CTNNA3: variants seen among roughly 807,000 people sequenced by gnomAD.
CTNNA3 encodes catenin alpha 3, also known as catenin alpha-3.
A neutral mutation model predicts 95.7 loss-of-function variants in CTNNA3; 76 were observed. The observed-to-expected ratio is 0.79, with a 90% CI of 0.66 to 0.96. CTNNA3 has a LOEUF of 0.96. CTNNA3 is among the 40% of genes least tolerant of loss of function. The probability of loss-of-function intolerance (pLI) is 0.00; values close to 1 mark genes in which losing one functional copy is unlikely to be tolerated. For synonymous variants in CTNNA3, 431 were observed against 374.4 expected (o/e 1.15, Z -1.74); for missense variants, 1,191 against 1,089.8 (o/e 1.09, Z -1.31).
Position 66,635,132 on chromosome 10 carries a change from C to G in CTNNA3, c.1282-13348G>C, listed in dbSNP as rs1246614260. Among the ~76,000 whole-genome samples, 5 of 152,066 alleles carry G rather than the reference C, an allele frequency of 3.3e-5. 1 individual carries two copies. Among genetic ancestry groups the G allele is most frequent in the Non-Finnish European group, 7.4e-5 (5 of 67,990 alleles). ...ATTCAAGGTCCCTCTCTAAATTAAGCTATTATTCACCTCAGAATCACCACT... is the reference window on the plus strand; with the variant it reads ...ATTCAAGGTCCCTCTCTAAATTAAGGTATTATTCACCTCAGAATCACCACT... On this transcript the variant is annotated intron_variant, in intron 9 of 17. Transcript: ENST00000433211.
chr10:66,713,724 A>G (rs1055012655), intron 9 of CTNNA3, among the ~76,000 whole-genome samples: 4 of 152,082 alleles, frequency 2.6e-5, no homozygotes, highest in African/African-American at 9.7e-5. Flanking sequence ...TTCTCGAATC[A>G]TATCTGAATC....
rs1260965582 is a variant in CTNNA3 at position 66,966,487 on chromosome 10, TTTTTTTTTCAGG to T, written c.1048-190975_1048-190964del. Among the ~76,000 whole-genome samples, 632 of 40,744 alleles carry T rather than the reference TTTTTTTTTCAGG, an allele frequency of 0.016. 37 individuals carry two copies. In the East Asian group the frequency reaches 0.38, roughly 24 times the overall value. 26.7% of individuals were successfully genotyped at this position (40,744 alleles called of 152,430 possible). ...GGGTTAACTCGGCTATGTAATATAT[TTTTTTTTTCAGG>T]ATATACCTTTCAGATTATTCAAAGA... On this transcript the variant is annotated intron_variant, in intron 7 of 17. Transcript: ENST00000433211.
chr10:66,553,694 A>G (rs1222037469), intron 10 of CTNNA3, among the ~76,000 whole-genome samples: 1 of 150,786 alleles, frequency 6.6e-6, no homozygotes, highest in African/African-American at 2.4e-5. Context: ...CACCCGGCTA[A>G]TTTTTTGTAT....
chr10:67,447,861 G>C (rs963755703), intron 5 of CTNNA3, among the ~76,000 whole-genome samples: 61 of 152,264 alleles, frequency 4.0e-4, no homozygotes, highest in African/African-American at 1.4e-3. Context: ...GCCTAGATAA[G>C]AGTCTGGCAC....
At chr10:66,172,531 G>A (rs1039528479) in intron 13 of CTNNA3, among the ~76,000 whole-genome samples, 1 of 151,410 alleles carries the variant, frequency 6.6e-6, no homozygotes, top group Admixed American at 6.6e-5. Flanking sequence ...TATTTTTCTT[G>A]TTTATTTCAG....
chr10:66,572,808 G>A (rs1842908374), intron 10 of CTNNA3, among the ~76,000 whole-genome samples: 1 of 152,158 alleles, frequency 6.6e-6, no homozygotes, highest in African/African-American at 2.4e-5. Flanking sequence ...TGTGTGCTGT[G>A]TGACTCAGGA....
chr10:66,475,489 G>T (rs1247191237), intron 11 of CTNNA3, among the ~76,000 whole-genome samples: 3 of 151,768 alleles, frequency 2.0e-5, no homozygotes, highest in Non-Finnish European at 4.4e-5. Context: ...AATTTATTTT[G>T]CTGTGCAGAA....
intron 7 of CTNNA3, among the ~76,000 whole-genome samples, chr10:66,966,632 A>G (rs1468059499): frequency 6.6e-6 from 1 of 152,062 alleles, no homozygotes; most frequent in African/African-American, 2.4e-5. Flanking sequence ...ATTTACGGCG[A>G]GGGGGAAGCA....
At chr10:67,173,159 T>G (rs1337757229) in intron 7 of CTNNA3, among the ~76,000 whole-genome samples, 1 of 152,216 alleles carries the variant, frequency 6.6e-6, no homozygotes, top group Non-Finnish European at 1.5e-5. Context: ...TGATTTTTGC[T>G]ATTAACTGTT....
chr10:66,990,409 A>G (rs1850979736), intron 7 of CTNNA3, among the ~76,000 whole-genome samples: 1 of 152,186 alleles, frequency 6.6e-6, no homozygotes, highest in Non-Finnish European at 1.5e-5. Flanking sequence ...CAGAGGTTCA[A>G]CCCACCCATT....
At position 66,107,654 on chromosome 10, in the gene CTNNA3, C is replaced by G. The variant is rs74643829; in HGVS notation, c.1885-4405G>C. Among the ~76,000 whole-genome samples the G allele has an allele frequency of 7.8e-3, 1,189 of 152,068 alleles. 9 individuals carry two copies. The highest frequency in any genetic ancestry group is 0.027 in the African/African-American group (1,102 of 41,504). On this transcript the variant is annotated intron_variant, in intron 13 of 17. Transcript: ENST00000433211. ...TATATCCTTTTTCCCACAAGGAGTTCAATCCTTTCTATAGACATTATCTCA... is the reference window on the plus strand; with the variant it reads ...TATATCCTTTTTCCCACAAGGAGTTGAATCCTTTCTATAGACATTATCTCA...
chr10:67,522,070 A>G, intron 4 of CTNNA3, 109 bp from the exon 5 acceptor site: 3 of 1,048,408 alleles, frequency 2.9e-6, no homozygotes, highest in Non-Finnish European at 4.2e-6. Context: ...TCCCATTCAT[A>G]ATACAGTGAT....
At chr10:67,185,644 T>A (rs1281614277) in intron 6 of CTNNA3, among the ~76,000 whole-genome samples, 1 of 152,156 alleles carries the variant, frequency 6.6e-6, no homozygotes, top group African/African-American at 2.4e-5. Context: ...TCTTCCTCCT[T>A]ATTTCATTTG....
At chr10:66,810,255 C>G (rs1172356026) in intron 7 of CTNNA3, among the ~76,000 whole-genome samples, 1 of 152,098 alleles carries the variant, frequency 6.6e-6, no homozygotes, top group East Asian at 1.9e-4. Context: ...GTTCCAACAT[C>G]TAAATATACC....
chr10:66,239,377 A>G (rs2090004663), intron 13 of CTNNA3, among the ~76,000 whole-genome samples: 1 of 151,878 alleles, frequency 6.6e-6, no homozygotes, highest in Non-Finnish European at 1.5e-5. Flanking sequence ...ATTATGCCCA[A>G]TCTTCTGCTC....
chr10:66,565,272 G>T (rs1842670668), intron 10 of CTNNA3, among the ~76,000 whole-genome samples: 1 of 152,118 alleles, frequency 6.6e-6, no homozygotes, highest in African/African-American at 2.4e-5. Context: ...TACTGTTCTA[G>T]CACCATTTTA....
intron 7 of CTNNA3, among the ~76,000 whole-genome samples, chr10:67,070,130 A>G (rs756691176): frequency 1.2e-4 from 19 of 152,158 alleles, no homozygotes; most frequent in Non-Finnish European, 2.4e-4. Context: ...CTTAATTTGC[A>G]TTAGTATAAT....
At chr10:67,594,544 G>A (rs1358906378) in intron 3 of CTNNA3, among the ~76,000 whole-genome samples, 1 of 152,144 alleles carries the variant, frequency 6.6e-6, no homozygotes, top group Middle Eastern at 3.4e-3. Flanking sequence ...TGTGCATAGA[G>A]GTGTTCATAA....
intron 7 of CTNNA3, among the ~76,000 whole-genome samples, chr10:67,138,584 G>A (rs1014329): frequency 0.63 from 95,593 of 152,012 alleles, 30,804 homozygotes; most frequent in African/African-American, 0.77. Context: ...ACTCACATAC[G>A]TGCTCATTAA....
Sources: allele counts gnomAD v4.1 joint callset (sites outside exome capture counted in the v4.1 genomes callset), GRCh38; gene constraint gnomAD v4.1.1; transcripts MANE v1.5; gene names NCBI Gene and HGNC (gene_info 2026-07-23, HGNC 2026-07-21).